The following GPR158 variants were observed in gnomAD, a reference collection of about 807,000 sequenced individuals.
The protein encoded by GPR158 is G protein-coupled receptor 158, also known as metabotropic glycine receptor.
A neutral mutation model predicts 78.2 loss-of-function variants in GPR158; 30 were observed. The observed-to-expected ratio is 0.38, with a 90% CI of 0.29 to 0.52. GPR158 has a LOEUF of 0.52. GPR158 is among the 20% of genes least tolerant of loss of function. The pLI is 0.83. For synonymous variants in GPR158, 581 were observed against 591.1 expected (o/e 0.98, Z 0.25); for missense variants, 1,463 against 1,523.5 (o/e 0.96, Z 0.66).
chr10:25,185,577 A>G (rs1051872642), intron 1 of GPR158, among the ~76,000 whole-genome samples: 9 of 152,174 alleles, frequency 5.9e-5, no homozygotes, highest in Non-Finnish European at 1.2e-4. Context: ...TAATCCCAGC[A>G]CTTTGGGATG....
intron 2 of GPR158, among the ~76,000 whole-genome samples, chr10:25,227,851 A>T (rs1195202992): frequency 2.0e-5 from 3 of 152,228 alleles, no homozygotes; most frequent in African/African-American, 7.2e-5. Context: ...TAGTCATAAA[A>T]GAGAAGTCTT....
At chr10:25,267,468 G>A (rs187983197) in intron 2 of GPR158, among the ~76,000 whole-genome samples, 175 of 152,226 alleles carry the variant, frequency 1.1e-3, no homozygotes, top group Middle Eastern at 3.4e-3. Flanking sequence ...TCCCTCCCAC[G>A]ACATGTGGGA....
At chr10:25,503,714 G>GTC (rs1221619158) in intron 5 of GPR158, among the ~76,000 whole-genome samples, 2 of 152,056 alleles carry the variant, frequency 1.3e-5, no homozygotes, top group Non-Finnish European at 2.9e-5. Flanking sequence ...CCAAGTTCTT[G>GTC]TCCTGGCTAT....
chr10:25,581,180 G>A (rs952684211), intron 7 of GPR158, among the ~76,000 whole-genome samples: 2 of 151,110 alleles, frequency 1.3e-5, no homozygotes, highest in East Asian at 1.9e-4. Context: ...CACCCGCCTC[G>A]GCCTCCCAAA....
At chr10:25,301,197 G>T (rs1048332754) in intron 2 of GPR158, among the ~76,000 whole-genome samples, 1 of 152,180 alleles carries the variant, frequency 6.6e-6, no homozygotes, top group Non-Finnish European at 1.5e-5. Context: ...GGGAAGAATT[G>T]TTCAGAAATA....
In GPR158 at chr10:25,176,472, C is replaced by G; in HGVS notation, c.902+150C>G. The G allele has an allele frequency of 1.5e-6, 1 of 663,224 alleles. No individual in the cohort carries two copies. The highest frequency in any genetic ancestry group is 2.4e-6 in the Non-Finnish European group (1 of 412,478). The allele number at this position is 663,224 out of a possible 1,614,324, so 41.1% of individuals were successfully genotyped here. A position where few individuals can be genotyped will look rare whatever the true frequency, so the allele number is the denominator to read the frequency against. On this transcript the variant is annotated intron_variant, in intron 1 of 10. Transcript: ENST00000376351. The surrounding 1 kb of genome is among the most constrained non-coding windows in gnomAD (Gnocchi z 6.3). ...GAGACCCGGGCTGAGGGACACCCCA[C>G]GCGGGCGCGGGTGCTTGGGGGCAAG...
chr10:25,417,913 C>G (rs1000845753), intron 4 of GPR158, among the ~76,000 whole-genome samples: 2 of 152,116 alleles, frequency 1.3e-5, no homozygotes, highest in Non-Finnish European at 2.9e-5. Context: ...TTCATAAAAT[C>G]TTAGTTGACT....
intron 2 of GPR158, among the ~76,000 whole-genome samples, chr10:25,247,626 C>G (rs1382129169): frequency 6.9e-6 from 1 of 143,906 alleles, no homozygotes; most frequent in Non-Finnish European, 1.5e-5. Flanking sequence ...TCATCCATGT[C>G]CCTACAAAGG....
At chr10:25,190,199 A>G (rs1852754198) in intron 1 of GPR158, among the ~76,000 whole-genome samples, 1 of 152,146 alleles carries the variant, frequency 6.6e-6, no homozygotes, top group African/African-American at 2.4e-5. Context: ...TTAGTACCTT[A>G]CAATGTATTT....
chr10:25,499,283 T>G (rs1206040617), intron 5 of GPR158, among the ~76,000 whole-genome samples: 1 of 152,208 alleles, frequency 6.6e-6, no homozygotes, highest in Non-Finnish European at 1.5e-5. Flanking sequence ...ACAATTTACC[T>G]TTCCTGAAAT....
intron 4 of GPR158, among the ~76,000 whole-genome samples, chr10:25,436,694 TG>T (rs1835002460): frequency 6.6e-6 from 1 of 152,154 alleles, no homozygotes; most frequent in African/African-American, 2.4e-5. Flanking sequence ...GCAACATTAT[TG>T]GGAAACTTAG....
chr10:25,294,693 T>A (rs1854487096), intron 2 of GPR158, among the ~76,000 whole-genome samples: 1 of 152,242 alleles, frequency 6.6e-6, no homozygotes, highest in African/African-American at 2.4e-5. Flanking sequence ...CAATGATTTG[T>A]GCAGTTAAAG....
rs756759445 is a variant in GPR158, at chr10:25,317,716, G to GTTTTTTTTTTTTTTTTTTT, written c.1009-78186_1009-78185insTTTTTTTTTTTTTTTTTTT. Reference sequence around the variant, plus strand: ...TTAAATTCTGTTTTCTTCGTAAAGTGTTTTTTTTTGTTTTGTTTTGTTTTG... The same window carrying GTTTTTTTTTTTTTTTTTTT: ...TTAAATTCTGTTTTCTTCGTAAAGTGTTTTTTTTTTTTTTTTTTTTTTTTTTTTGTTTTGTTTTGTTTTG... On this transcript the variant is annotated intron_variant, in intron 2 of 10. Coordinates refer to ENST00000376351, the MANE Select transcript of GPR158 (RefSeq NM_020752.3). Among the ~76,000 whole-genome samples the GTTTTTTTTTTTTTTTTTTT allele has an allele frequency of 4.1e-4, 55 of 134,050 alleles. 2 individuals are homozygous for GTTTTTTTTTTTTTTTTTTT. Among genetic ancestry groups the GTTTTTTTTTTTTTTTTTTT allele is most frequent in the South Asian group, 9.7e-4 (4 of 4,144 alleles). 87.9% of individuals were successfully genotyped at this position (134,050 alleles called of 152,430 possible).
intron 5 of GPR158, among the ~76,000 whole-genome samples, chr10:25,529,647 A>T (rs1193191137): frequency 6.6e-6 from 1 of 152,216 alleles, no homozygotes; most frequent in Non-Finnish European, 1.5e-5. Context: ...CAATGCCAAG[A>T]AATTGTGGTG....
At chr10:25,374,797 C>G (rs1834053248) in intron 2 of GPR158, among the ~76,000 whole-genome samples, 1 of 151,662 alleles carries the variant, frequency 6.6e-6, no homozygotes, top group South Asian at 2.1e-4. Context: ...AACCTTTATT[C>G]AAGTGAAGCA....
chr10:25,542,691 G>T (rs1836602910), intron 5 of GPR158, among the ~76,000 whole-genome samples: 3 of 151,952 alleles, frequency 2.0e-5, no homozygotes, highest in East Asian at 1.9e-4. Context: ...GGGCGTGGTG[G>T]TGGGCACCTA....
At chr10:25,222,451 T>C (rs1462408410) in intron 2 of GPR158, among the ~76,000 whole-genome samples, 1 of 151,246 alleles carries the variant, frequency 6.6e-6, no homozygotes, top group African/African-American at 2.4e-5. Flanking sequence ...ATCCACACAC[T>C]TCCTCCCACA....
In GPR158 at chr10:25,598,390, A is replaced by T. The variant is rs748126831; in HGVS notation, c.2764A>T (p.Thr922Ser). ...TCTTGGATTAGCTGGGAAAACCCAA[A>T]CAGCAGGTGTGGAAGAACGCACTAA... ...KTLGLAGKTQ[T>S]AGVEERTKSQ... Residue 922 changes from threonine to serine, a missense_variant, in exon 11 of 11, where the codon ACA (threonine) becomes TCA (serine). Coordinates refer to ENST00000376351, the MANE Select transcript of GPR158 (RefSeq NM_020752.3). 25 of 1,614,012 alleles carry T rather than the reference A, an allele frequency of 1.5e-5. 1 individual carries two copies. Among genetic ancestry groups the T allele is most frequent in the Middle Eastern group, 3.3e-4 (2 of 6,084 alleles).
chr10:25,455,732 A>T (rs1835282481), intron 4 of GPR158, among the ~76,000 whole-genome samples: 1 of 152,232 alleles, frequency 6.6e-6, no homozygotes, highest in Non-Finnish European at 1.5e-5. Flanking sequence ...ATATCAAGAT[A>T]TGTAATTGCA....
Sources: allele counts gnomAD v4.1 joint callset (sites outside exome capture counted in the v4.1 genomes callset), GRCh38; gene constraint gnomAD v4.1.1; non-coding constraint Gnocchi (gnomAD v3.1); transcripts MANE v1.5; gene names NCBI Gene and HGNC (gene_info 2026-07-23, HGNC 2026-07-21).